SLC24A2: variants seen among roughly 807,000 people sequenced by gnomAD.
SLC24A2 encodes solute carrier family 24 member 2.
In SLC24A2, 36 loss-of-function variants were observed where a neutral mutation model predicts 62.0. The observed-to-expected ratio is 0.58, with a 90% CI of 0.44 to 0.77. The LOEUF (loss-of-function observed/expected upper bound fraction) is 0.77, where lower values mean the gene tolerates loss of function less well. SLC24A2 is among the 30% of genes least tolerant of loss of function. The pLI, the probability that SLC24A2 is intolerant of heterozygous loss-of-function variation, is 0.00. For synonymous variants in SLC24A2, 358 were observed against 294.0 expected, an observed-to-expected ratio of 1.22 and a Z score of -2.23; for missense variants, 846 against 817.9, an observed-to-expected ratio of 1.03 and a Z score of -0.42.
rs1410801152 is a variant in SLC24A2, at chr9:19,514,741, G to T, written c.*1412C>A. The T allele has an allele frequency of 6.6e-6, 1 of 152,178 alleles. No homozygotes were observed. The highest frequency in any genetic ancestry group is 2.4e-5 in the African/African-American group (1 of 41,454). The allele number at this position is 152,178 out of a possible 1,614,324, so 9.4% of individuals were successfully genotyped here. A position where few individuals can be genotyped will look rare whatever the true frequency, so the allele number is the denominator to read the frequency against. On this transcript the variant is annotated 3_prime_UTR_variant, in exon 11 of 11. Transcript: ENST00000341998. ...CAGAATCCCAGATAAGGTCTTGATGGAAGAAGAGACATAGATGTTACAAGA... is the reference window on the plus strand; with the variant it reads ...CAGAATCCCAGATAAGGTCTTGATGTAAGAAGAGACATAGATGTTACAAGA...
chr9:20,080,553 G>C, the SLC24A2 span, among the ~76,000 whole-genome samples: 1 of 152,088 alleles, frequency 6.6e-6, no homozygotes, highest in African/African-American at 2.4e-5. Flanking sequence ...ATACCATTCA[G>C]GACATAGGCA....
intron 2 of SLC24A2, among the ~76,000 whole-genome samples, chr9:19,664,037 A>C (rs1030889790): frequency 1.3e-5 from 2 of 152,234 alleles, no homozygotes; most frequent in African/African-American, 4.8e-5. Flanking sequence ...TGAAATGGTC[A>C]TGACCGTGTA....
chr9:20,223,987 G>C, the SLC24A2 span, among the ~76,000 whole-genome samples: 2 of 152,012 alleles, frequency 1.3e-5, no homozygotes, highest in African/African-American at 4.8e-5. Context: ...GAAAAAGTGA[G>C]AGAGTGAGGA....
chr9:20,133,048 T>A, the SLC24A2 span, among the ~76,000 whole-genome samples: 3 of 152,098 alleles, frequency 2.0e-5, no homozygotes, highest in African/African-American at 7.2e-5. Context: ...TGAATCCTTA[T>A]TCTGTTCACT....
chr9:19,897,810 A>G, the SLC24A2 span, among the ~76,000 whole-genome samples: 1 of 152,164 alleles, frequency 6.6e-6, no homozygotes, highest in Non-Finnish European at 1.5e-5. Flanking sequence ...AAAGGGCAAA[A>G]CTGAGACTGA....
chr9:20,145,838 A>G, the SLC24A2 span, among the ~76,000 whole-genome samples: 1 of 151,896 alleles, frequency 6.6e-6, no homozygotes, highest in Non-Finnish European at 1.5e-5. Context: ...CCATACATAC[A>G]TGTATTTCTT....
chr9:19,681,416 C>T (rs957283250), intron 2 of SLC24A2, among the ~76,000 whole-genome samples: 3 of 152,154 alleles, frequency 2.0e-5, no homozygotes, highest in Non-Finnish European at 4.4e-5. Flanking sequence ...TAGCCCTTCT[C>T]ATCTACTAAC....
the SLC24A2 span, among the ~76,000 whole-genome samples, chr9:19,811,123 GA>G: frequency 6.6e-6 from 1 of 152,084 alleles, no homozygotes; most frequent in Non-Finnish European, 1.5e-5. Context: ...ACATGAGGGG[GA>G]ACCCTCATGA....
the SLC24A2 span, among the ~76,000 whole-genome samples, chr9:20,106,545 C>T: frequency 8.9e-4 from 136 of 152,164 alleles, no homozygotes; most frequent in South Asian, 2.1e-3. Context: ...TGGTTCAATA[C>T]ATGCAAATCA....
chr9:19,824,426 T>C, the SLC24A2 span, among the ~76,000 whole-genome samples: 8 of 152,240 alleles, frequency 5.3e-5, no homozygotes, highest in Admixed American at 6.5e-5. Context: ...AAAAAGCTCA[T>C]CATCACTGGT....
At chr9:19,823,061 A>G in the SLC24A2 span, among the ~76,000 whole-genome samples, 1 of 152,120 alleles carries the variant, frequency 6.6e-6, no homozygotes, top group Admixed American at 6.6e-5. Flanking sequence ...TTCCAATTCT[A>G]GTCCCTTCTG....
chr9:19,919,193 G>A, the SLC24A2 span, among the ~76,000 whole-genome samples: 1 of 152,204 alleles, frequency 6.6e-6, no homozygotes. Flanking sequence ...AAAGAATAGT[G>A]CTGGCTGTGG....
chr9:20,158,574 A>C, the SLC24A2 span, among the ~76,000 whole-genome samples: 4 of 151,696 alleles, frequency 2.6e-5, no homozygotes, highest in Non-Finnish European at 5.9e-5. Flanking sequence ...ACAATAAGAA[A>C]TACAATTCTG....
At chr9:20,127,246 C>T in the SLC24A2 span, among the ~76,000 whole-genome samples, 1 of 152,086 alleles carries the variant, frequency 6.6e-6, no homozygotes, top group Admixed American at 6.6e-5. Flanking sequence ...TAAGCCTCTG[C>T]CCAGAATCCC....
Position 19,599,478 on chromosome 9 carries a change from C to T in SLC24A2, c.1079-2199G>A, listed in dbSNP as rs1267463527. Among the ~76,000 whole-genome samples, 2 of 152,082 alleles carry T rather than the reference C, an allele frequency of 1.3e-5. No homozygotes were observed. ...AGCAGTGGAAGGGAATGGTATCTGC[C>T]CAAACAAAGAGAACCATGTTTACAG... On this transcript the variant is annotated intron_variant, in intron 4 of 10. Coordinates refer to ENST00000341998, the MANE Select transcript of SLC24A2 (RefSeq NM_020344.4). This position sits in a 1 kb window ranked among gnomAD's most constrained non-coding sequence, Gnocchi z 4.5.
the SLC24A2 span, among the ~76,000 whole-genome samples, chr9:20,298,801 A>G: frequency 6.6e-6 from 1 of 152,268 alleles, no homozygotes; most frequent in African/African-American, 2.4e-5. Flanking sequence ...AGAGTTGAGC[A>G]GCAGGAGAGA....
the SLC24A2 span, among the ~76,000 whole-genome samples, chr9:20,035,801 T>C: frequency 1.3e-5 from 2 of 152,122 alleles, no homozygotes; most frequent in Non-Finnish European, 2.9e-5. Flanking sequence ...TCTGAACCTT[T>C]GAAAGGTTTA....
the SLC24A2 span, among the ~76,000 whole-genome samples, chr9:20,138,926 C>A: frequency 2.6e-5 from 4 of 152,142 alleles, no homozygotes; most frequent in African/African-American, 7.2e-5. Context: ...TTCTATTTTC[C>A]TTATTTCAAC....
At chr9:20,181,674 T>C in the SLC24A2 span, among the ~76,000 whole-genome samples, 1 of 152,142 alleles carries the variant, frequency 6.6e-6, no homozygotes, top group African/African-American at 2.4e-5. Flanking sequence ...CCTAAAACCA[T>C]ACAAATGCTA....
Sources: allele counts gnomAD v4.1 joint callset (sites outside exome capture counted in the v4.1 genomes callset), GRCh38; gene constraint gnomAD v4.1.1; non-coding constraint Gnocchi (gnomAD v3.1); transcripts MANE v1.5; gene names NCBI Gene and HGNC (gene_info 2026-07-23, HGNC 2026-07-21).